Variants in ZMYM4 observed in about 807,000 individuals in gnomAD.
The protein encoded by ZMYM4 is zinc finger MYM-type protein 4.
In ZMYM4, 31 loss-of-function variants were observed where a neutral mutation model predicts 183.2. That is an observed-to-expected ratio of 0.17 (90% confidence interval 0.13 to 0.23). ZMYM4 has a LOEUF of 0.23. ZMYM4 is among the 10% of genes least tolerant of loss of function. The pLI, the probability that ZMYM4 is intolerant of heterozygous loss-of-function variation, is 1.00. For synonymous variants in ZMYM4, 592 were observed against 631.2 expected, an observed-to-expected ratio of 0.94 and a Z score of 0.93; for missense variants, 1,273 against 1,840.3, an observed-to-expected ratio of 0.69 and a Z score of 5.64.
At chr1:35,373,699 G>A (rs929142421) in intron 7 of ZMYM4, among the ~76,000 whole-genome samples, 2 of 140,564 alleles carry the variant, frequency 1.4e-5, no homozygotes, top group South Asian at 2.3e-4. Context: ...GGCCCTGCAC[G>A]GCTAATTTTT....
At chr1:35,351,716 G>T (rs940133226) in intron 2 of ZMYM4, 4 of 433,854 alleles carry the variant, frequency 9.2e-6, no homozygotes, top group African/African-American at 8.0e-5. Context: ...AAAATGTGCA[G>T]GAGGAATATG....
intron 1 of ZMYM4, among the ~76,000 whole-genome samples, chr1:35,283,410 T>C (rs991203966): frequency 2.7e-4 from 36 of 133,032 alleles, no homozygotes; most frequent in Non-Finnish European, 1.1e-4. Flanking sequence ...CAATCTCAGC[T>C]CACTGCAAGC....
intron 9 of ZMYM4, 49 bp downstream of exon 9, chr1:35,381,807 T>G: frequency 6.3e-7 from 1 of 1,586,164 alleles, no homozygotes; most frequent in Non-Finnish European, 8.6e-7. Flanking sequence ...TCAGGTAATC[T>G]GTATTTTTAG....
chr1:35,398,801 T>C (rs776444757), intron 21 of ZMYM4, 63 bp from the exon 22 acceptor site: 2 of 1,567,290 alleles, frequency 1.3e-6, no homozygotes, highest in African/African-American at 1.4e-5. Flanking sequence ...CAGGAAGTTT[T>C]CCGAGCATGT....
chr1:35,379,531 C>T (rs1276102846), intron 7 of ZMYM4, among the ~76,000 whole-genome samples: 1 of 152,256 alleles, frequency 6.6e-6, no homozygotes, highest in Non-Finnish European at 1.5e-5. Context: ...CCGCCACGCC[C>T]GGCCAACTGT....
At position 35,405,179 on chromosome 1, in the gene ZMYM4, G is replaced by C. The variant is rs747989992; in HGVS notation, c.3685G>C (p.Asp1229His). 14 of 1,613,702 alleles carry C rather than the reference G, an allele frequency of 8.7e-6. No homozygotes were observed. The highest frequency in any genetic ancestry group is 2.7e-5 in the African/African-American group (2 of 74,898). The change falls in exon 24 of 30, where the codon GAT (aspartate) becomes CAT (histidine). Residue 1229 changes from aspartate to histidine, a missense_variant. Physicochemically the swap from Asp to His is moderately conservative, Grantham distance 81 (BLOSUM62 -1). This residue lies in a region of ZMYM4 where 133 missense variants were observed against 155.7 expected (regional missense o/e 0.85). Coordinates refer to ENST00000314607, the MANE Select transcript of ZMYM4 (RefSeq NM_005095.3). ...GAAAAATGCCAAGGAAGAGCAGGGGGATCTAAAATGTGGAGGTAAGTGCAC... is the reference window on the plus strand; with the variant it reads ...GAAAAATGCCAAGGAAGAGCAGGGGCATCTAAAATGTGGAGGTAAGTGCAC... Reference protein sequence around the residue: ...QWKNAKEEQGDLKCGGVEQAS... With the variant: ...QWKNAKEEQGHLKCGGVEQAS...
chr1:35,404,181 C>T (rs1644962632), intron 23 of ZMYM4, among the ~76,000 whole-genome samples: 1 of 152,164 alleles, frequency 6.6e-6, no homozygotes, highest in Non-Finnish European at 1.5e-5. Flanking sequence ...CCTTAAACCT[C>T]AGTCTCCCAA....
In ZMYM4 at chr1:35,269,007, A is replaced by ACCGCGCGGGGAGCCGCAGCGGTT. The variant is rs1639449033; in HGVS notation, c.-36_-14dup. ...CGGGGGGCCGAGAGGTACCGCCGCC[A>ACCGCGCGGGGAGCCGCAGCGGTT]CCGCGCGGGGAGCCGCAGCGGTTCC... On this transcript the variant is annotated 5_prime_UTR_variant, in exon 1 of 30. Transcript: ENST00000314607. 2.0e-6 allele frequency: 3 copies of ACCGCGCGGGGAGCCGCAGCGGTT among 1,519,236 alleles called. No homozygotes were observed. The highest frequency in any genetic ancestry group is 8.8e-7 in the Non-Finnish European group (1 of 1,133,604). 94.1% of individuals were successfully genotyped at this position (1,519,236 alleles called of 1,614,324 possible).
At chr1:35,351,084 G>A in intron 2 of ZMYM4, 1 of 853,022 alleles carries the variant, frequency 1.2e-6, no homozygotes. Context: ...TGAATGCCAA[G>A]TGGAGGTGAC....
chr1:35,278,735 T>C (rs622050), intron 1 of ZMYM4, among the ~76,000 whole-genome samples: 1 of 152,148 alleles, frequency 6.6e-6, no homozygotes. Context: ...CATGAACTCT[T>C]AAGTCCAAAA....
At chr1:35,371,435 T>G (rs1644211995) in intron 7 of ZMYM4, among the ~76,000 whole-genome samples, 1 of 152,052 alleles carries the variant, frequency 6.6e-6, no homozygotes, top group Non-Finnish European at 1.5e-5. Flanking sequence ...ATTTTCTCAA[T>G]GTCTCTGAAC....
At position 35,370,057 on chromosome 1, in the gene ZMYM4, C is replaced by G. The variant is rs1644170086; in HGVS notation, c.869C>G (p.Thr290Ser). The change falls in exon 6 of 30, where the codon ACT (threonine) becomes AGT (serine). Residue 290 changes from threonine to serine, a missense_variant. Physicochemically the swap from Thr to Ser is moderately conservative, Grantham distance 58 (BLOSUM62 1). Coordinates refer to ENST00000314607, the MANE Select transcript of ZMYM4 (RefSeq NM_005095.3). ...QEYSHGQQQK[T>S]QEGELKISAV... The stretch of plus-strand genomic sequence containing the variant: ...TATAGTCATGGCCAACAGCAAAAAA[C>G]TCAAGAGGGGGAACTGAAAATTAGT... 1 of 1,613,058 alleles carries G rather than the reference C, an allele frequency of 6.2e-7. No individual in the cohort carries two copies. Among genetic ancestry groups the G allele is most frequent in the Non-Finnish European group, 8.5e-7 (1 of 1,179,476 alleles).
intron 26 of ZMYM4, 125 bp from the exon 27 acceptor site, chr1:35,413,847 T>TACCTTATTA: frequency 1.7e-6 from 1 of 576,492 alleles, no homozygotes; most frequent in South Asian, 2.5e-5. Flanking sequence ...TACTGAGAGG[T>TACCTTATTA]TAAACATGGT....
Position 35,393,757 on chromosome 1 carries a change from T to G in ZMYM4, c.2911+18T>G, listed in dbSNP as rs1644752876. 1 of 1,562,630 alleles carries G rather than the reference T, an allele frequency of 6.4e-7. No individual in the cohort carries two copies. The highest frequency in any genetic ancestry group is 8.6e-7 in the Non-Finnish European group (1 of 1,158,274). ...CCAGACAGGTATGTTCCTTGGTCTT[T>G]CTTTCTTTATTAATTTTTTAAGGGA... On this transcript the variant is annotated intron_variant, in intron 18 of 29. Coordinates refer to ENST00000314607, the MANE Select transcript of ZMYM4 (RefSeq NM_005095.3).
intron 2 of ZMYM4, among the ~76,000 whole-genome samples, chr1:35,338,209 C>T (rs1643055665): frequency 6.6e-6 from 1 of 152,140 alleles, no homozygotes; most frequent in South Asian, 2.1e-4. Context: ...GGTGATTGCT[C>T]AGGCCTAGGC....
At position 35,306,588 on chromosome 1, in the gene ZMYM4, T is replaced by A. The variant is rs188263180; in HGVS notation, c.40-18772T>A. On this transcript the variant is annotated intron_variant, in intron 1 of 29. Transcript: ENST00000314607. ...GATGTTCCAGAGTGATCTTTTAAATTCTTTAATCACATTATGGCTCTACTT... is the reference window on the plus strand; with the variant it reads ...GATGTTCCAGAGTGATCTTTTAAATACTTTAATCACATTATGGCTCTACTT... Among the ~76,000 whole-genome samples, 419 of 152,352 alleles carry A rather than the reference T, an allele frequency of 2.8e-3. 3 individuals carry two copies. The highest frequency in any genetic ancestry group is 6.7e-3 in the Admixed American group (102 of 15,306).
Position 35,420,548 on chromosome 1 carries a change from T to C in ZMYM4, c.*871T>C, listed in dbSNP as rs1212262776. The C allele has an allele frequency of 6.6e-6, 1 of 152,636 alleles. No individual in the cohort carries two copies. The highest frequency in any genetic ancestry group is 1.5e-5 in the Non-Finnish European group (1 of 68,034). 9.5% of individuals were successfully genotyped at this position (152,636 alleles called of 1,614,324 possible). ...CTGTGGTACAGAGAAATGGGGGTTC[T>C]CCTTTTATTTTCATTTTTTTTCCCC... On this transcript the variant is annotated 3_prime_UTR_variant, in exon 30 of 30. Coordinates refer to ENST00000314607, the MANE Select transcript of ZMYM4 (RefSeq NM_005095.3).
chr1:35,366,888 G>T (rs1432719621), intron 5 of ZMYM4, among the ~76,000 whole-genome samples: 1 of 152,040 alleles, frequency 6.6e-6, no homozygotes, highest in Non-Finnish European at 1.5e-5. Context: ...GCCGGGCGTG[G>T]TGGTGCATGC....
chr1:35,413,447 T>C (rs554711318), intron 26 of ZMYM4, among the ~76,000 whole-genome samples: 1 of 152,328 alleles, frequency 6.6e-6, no homozygotes, highest in Admixed American at 6.5e-5. Context: ...TTTTGAGGGC[T>C]AGGTTGTGGG....
Sources: allele counts gnomAD v4.1 joint callset (sites outside exome capture counted in the v4.1 genomes callset), GRCh38; gene constraint gnomAD v4.1.1; regional missense constraint gnomAD v4.1.1; transcripts MANE v1.5; gene names NCBI Gene and HGNC (gene_info 2026-07-23, HGNC 2026-07-21).